The following POLA1 variants were observed in gnomAD, a reference collection of about 807,000 sequenced individuals.
POLA1 encodes the protein DNA polymerase alpha catalytic subunit.
A neutral mutation model predicts 124.0 loss-of-function variants in POLA1; 15 were observed. The ratio of observed to expected loss-of-function variants is 0.12; its 90% confidence interval spans 0.08 to 0.19. The LOEUF is 0.19. Ranked by LOEUF, POLA1 falls within the 10% of genes least tolerant of loss-of-function variation. POLA1 has a pLI of 1.00. For synonymous variants in POLA1, 408 were observed against 389.4 expected (o/e 1.05, Z -0.56); for missense variants, 886 against 1,103.4 (o/e 0.80, Z 2.79).
At chrX:24,986,441 A>G (rs1031644924) in intron 36 of POLA1, among the ~76,000 whole-genome samples, 1 of 110,869 alleles carries the variant, frequency 9.0e-6, no homozygotes, top group African/African-American at 3.3e-5. Flanking sequence ...AGCCTGGACA[A>G]CAGAGCAAGA....
At chrX:24,804,694 T>G in intron 26 of POLA1, among the ~76,000 whole-genome samples, 1 of 111,689 alleles carries the variant, frequency 9.0e-6, no homozygotes, top group Non-Finnish European at 1.9e-5. Context: ...CCTTGAAACT[T>G]TTTTTTTAAG....
At chrX:24,828,020 G>A (rs183266708) in intron 32 of POLA1, among the ~76,000 whole-genome samples, 1,130 of 111,928 alleles carry the variant, frequency 0.01, 8 homozygotes, top group Non-Finnish European at 0.015. Flanking sequence ...CCCCGTCAAT[G>A]TTTACTCTGG....
In POLA1 at chrX:24,739,507, GA is replaced by G; in HGVS notation, c.2176del (p.Arg726GlyfsTer3). On this transcript the variant is annotated frameshift_variant, in exon 20 of 37. Coordinates refer to ENST00000379068, the MANE Select transcript of POLA1 (RefSeq NM_001330360.2). LOFTEE classifies it high-confidence loss of function. ...SELVQQILKT[E>X]RVVIPMENIQ... The stretch of plus-strand genomic sequence containing the variant: ...ACTTGTTCAGCAGATTCTAAAAACT[GA>G]AAGGGTTGTAATCCCAATGGAAAAT... 1 of 1,191,044 alleles carries G rather than the reference GA, an allele frequency of 8.4e-7. No individual in the cohort carries two copies. Among genetic ancestry groups the G allele is most frequent in the Non-Finnish European group, 1.1e-6 (1 of 878,544 alleles).
At chrX:24,985,276 A>G in intron 36 of POLA1, among the ~76,000 whole-genome samples, 1 of 113,169 alleles carries the variant, frequency 8.8e-6, no homozygotes, top group Middle Eastern at 4.6e-3. Flanking sequence ...CACAGTAGCC[A>G]TAGATAACAC....
In POLA1 at chrX:24,930,354, T is replaced by C. The variant is rs777068980; in HGVS notation, c.4165-99T>C. ...ACTTTCTTTAAAAAATGCTGCTTGA[T>C]TTGGAAGTTGAAAGTAGGGGATACA... On this transcript the variant is annotated intron_variant, in intron 35 of 36. Coordinates refer to ENST00000379068, the MANE Select transcript of POLA1 (RefSeq NM_001330360.2). The C allele has an allele frequency of 1.0e-4, 58 of 565,994 alleles. No homozygotes were observed. The East Asian group carries it at 1.3e-3, about 13-fold the overall frequency. The allele number at this position is 565,994 out of a possible 1,213,427, so 46.6% of individuals were successfully genotyped here. A position where few individuals can be genotyped will look rare whatever the true frequency, so the allele number is the denominator to read the frequency against.
intron 35 of POLA1, among the ~76,000 whole-genome samples, chrX:24,922,634 T>C (rs754518439): frequency 3.6e-5 from 4 of 111,358 alleles, no homozygotes; most frequent in East Asian, 5.6e-4. Flanking sequence ...TAGTACATAT[T>C]TGAACAACAC....
chrX:24,808,223 G>A (rs1175523526), intron 26 of POLA1, among the ~76,000 whole-genome samples: 1 of 111,852 alleles, frequency 8.9e-6, no homozygotes, highest in African/African-American at 3.2e-5. Flanking sequence ...TTGCACCCTA[G>A]GCATGGCCCT....
intron 36 of POLA1, among the ~76,000 whole-genome samples, chrX:24,934,138 G>A (rs759744758): frequency 8.9e-6 from 1 of 112,042 alleles, no homozygotes; most frequent in Non-Finnish European, 1.9e-5. Context: ...CTTGGCCTGA[G>A]TAGGGGTAAG....
chrX:24,979,155 G>T (rs2048396398), intron 36 of POLA1, among the ~76,000 whole-genome samples: 1 of 111,870 alleles, frequency 8.9e-6, no homozygotes, highest in Non-Finnish European at 1.9e-5. Flanking sequence ...AGTTTTAGAA[G>T]AATTTAGATT....
At chrX:24,948,681 A>G (rs1426419097) in intron 36 of POLA1, among the ~76,000 whole-genome samples, 3 of 112,743 alleles carry the variant, frequency 2.7e-5, no homozygotes, top group African/African-American at 6.4e-5. Flanking sequence ...GTATGCTTCA[A>G]TATAATAGAA....
chrX:24,859,247 T>C (rs2046685975), intron 34 of POLA1, among the ~76,000 whole-genome samples: 1 of 111,809 alleles, frequency 8.9e-6, no homozygotes, highest in African/African-American at 3.2e-5. Flanking sequence ...AAACCTCCTG[T>C]GGTTGTTCAT....
chrX:24,930,632 C>G, intron 36 of POLA1, 83 bp downstream of exon 36: 1 of 606,873 alleles, frequency 1.6e-6, no homozygotes, highest in Non-Finnish European at 2.7e-6. Context: ...TCAGGCTGTT[C>G]ATGCAGCATC....
chrX:24,711,132 C>CGG lies in POLA1; in HGVS notation c.347-3422_347-3421insGG, dbSNP rs1392427596. The stretch of plus-strand genomic sequence containing the variant: ...CGAGTAGCCAGGACTACAGGCACAT[C>CGG]CTGCCACGCTCGGCTAATTTTTTGT... On this transcript the variant is annotated intron_variant, in intron 4 of 36. Coordinates refer to ENST00000379068, the MANE Select transcript of POLA1 (RefSeq NM_001330360.2). Among the ~76,000 whole-genome samples the CGG allele has an allele frequency of 2.3e-4, 25 of 110,953 alleles. No individual in the cohort carries two copies. In the East Asian group the frequency reaches 4.8e-3, roughly 21 times the overall value.
intron 36 of POLA1, among the ~76,000 whole-genome samples, chrX:24,947,663 G>A (rs1208242591): frequency 9.0e-6 from 1 of 111,555 alleles, no homozygotes; most frequent in African/African-American, 3.3e-5. Context: ...TGAAATGTCT[G>A]GAGGCCAACT....
At chrX:24,779,064 ATTTC>A (rs754548390) in intron 26 of POLA1, among the ~76,000 whole-genome samples, 13 of 110,191 alleles carry the variant, frequency 1.2e-4, no homozygotes, top group South Asian at 7.7e-4. Context: ...CTGATTAGAC[ATTTC>A]TTTCTTTCTT....
intron 36 of POLA1, among the ~76,000 whole-genome samples, chrX:24,970,589 G>C (rs759891169): frequency 1.7e-4 from 19 of 109,877 alleles, no homozygotes; most frequent in Middle Eastern, 9.4e-3. Context: ...GAGTCTACAA[G>C]GAATTTAAAC....
intron 12 of POLA1, 48 bp downstream of exon 12, chrX:24,724,499 T>A (rs1358819247): frequency 6.5e-6 from 4 of 617,470 alleles, no homozygotes; most frequent in Non-Finnish European, 1.0e-5. Context: ...GTTGTTTATT[T>A]TCTGATTTAG....
rs767514376 is a variant in POLA1 at position 24,716,347 on chromosome X, T to A, written c.526-15T>A. On this transcript the variant is annotated splice_polypyrimidine_tract_variant and intron_variant, in intron 6 of 36. Transcript: ENST00000379068. ...ACCAAGCATGGCAGTGAATATGTCT[T>A]ACCTTTCCTTTTAGACACCTCAAAT... 1.0e-6 allele frequency: 1 copy of A among 973,755 alleles called. No homozygotes were observed. The highest frequency in any genetic ancestry group is 1.9e-5 in the South Asian group (1 of 51,579). The allele number at this position is 973,755 out of a possible 1,213,427, so 80.2% of individuals were successfully genotyped here.
At chrX:24,731,635 A>G (rs1433193384) in intron 15 of POLA1, among the ~76,000 whole-genome samples, 1 of 111,214 alleles carries the variant, frequency 9.0e-6, no homozygotes, top group Non-Finnish European at 1.9e-5. Flanking sequence ...TGGGAATGGT[A>G]ATACTGGCAA....
Sources: gnomAD v4.1 joint callset for allele counts (sites outside exome capture counted in the v4.1 genomes callset) on GRCh38, gnomAD v4.1.1 for gene constraint, MANE v1.5 for transcripts, NCBI Gene and HGNC (gene_info 2026-07-23, HGNC 2026-07-21) for gene names.